Variants in BTG4 observed in about 807,000 individuals in gnomAD.
The protein encoded by BTG4 is BTG anti-proliferation factor 4.
BTG4 carries 10 observed loss-of-function variants against 19.3 expected under a neutral mutation model. That is an observed-to-expected ratio of 0.52 (90% CI 0.32 to 0.88). The LOEUF (loss-of-function observed/expected upper bound fraction) is 0.88. Among genes scored for constraint, BTG4 ranks in the 40% least tolerant of loss-of-function variants. The pLI, the probability that BTG4 is intolerant of heterozygous loss-of-function variation, is 0.04. For missense variants in BTG4, 238 were observed against 281.9 expected (o/e 0.84, Z 1.11); for synonymous variants, 91 against 95.7 (o/e 0.95, Z 0.29).
chr11:111,478,855 G>C (rs1864558340), intron 5 of BTG4, among the ~76,000 whole-genome samples: 1 of 151,888 alleles, frequency 6.6e-6, no homozygotes, highest in African/African-American at 2.4e-5. Flanking sequence ...TGAATGCATA[G>C]AGCACCAGGG....
At chr11:111,393,936 A>G in the BTG4 span, among the ~76,000 whole-genome samples, 1 of 152,204 alleles carries the variant, frequency 6.6e-6, no homozygotes, top group Non-Finnish European at 1.5e-5. Context: ...TCTCAGGTCT[A>G]CCTCTTAAAA....
intron 5 of BTG4, among the ~76,000 whole-genome samples, chr11:111,485,773 A>T (rs1037549045): frequency 6.6e-6 from 1 of 152,172 alleles, no homozygotes; most frequent in African/African-American, 2.4e-5. Context: ...TTGAGACTTT[A>T]AAAAAATACA....
chr11:111,481,478 A>G (rs952540427), intron 5 of BTG4, among the ~76,000 whole-genome samples: 1 of 151,846 alleles, frequency 6.6e-6, no homozygotes, highest in Non-Finnish European at 1.5e-5. Flanking sequence ...ATTGTACTAT[A>G]TATTTATAGT....
At chr11:111,498,449 G>A (rs1190541524) in intron 2 of BTG4, among the ~76,000 whole-genome samples, 155 bp downstream of exon 2, 1 of 152,134 alleles carries the variant, frequency 6.6e-6, no homozygotes, top group Non-Finnish European at 1.5e-5. Context: ...CATCTACTAT[G>A]TCTCCTCCTT....
chr11:111,440,600 G>T, the BTG4 span, among the ~76,000 whole-genome samples: 1 of 152,156 alleles, frequency 6.6e-6, no homozygotes, highest in African/African-American at 2.4e-5. Context: ...TACCTACCTT[G>T]GCTGTTGGCA....
intron 1 of BTG4, among the ~76,000 whole-genome samples, chr11:111,509,401 A>G (rs1193683417): frequency 2.0e-5 from 3 of 152,156 alleles, no homozygotes; most frequent in Non-Finnish European, 2.9e-5. Context: ...TTAAAAAAAC[A>G]GGTTTAGGCC....
the BTG4 span, among the ~76,000 whole-genome samples, chr11:111,406,095 A>G: frequency 3.9e-5 from 6 of 152,174 alleles, no homozygotes; most frequent in Non-Finnish European, 2.9e-5. Context: ...AGAAGATGCA[A>G]TTTAAGATTA....
chr11:111,430,078 G>A, the BTG4 span, among the ~76,000 whole-genome samples: 1 of 152,206 alleles, frequency 6.6e-6, no homozygotes, highest in African/African-American at 2.4e-5. Flanking sequence ...GTCATGTGTT[G>A]TTAACCCAAA....
chr11:111,405,225 G>A, the BTG4 span, among the ~76,000 whole-genome samples: 24 of 152,000 alleles, frequency 1.6e-4, no homozygotes, highest in African/African-American at 4.3e-4. Flanking sequence ...CCAACATAGC[G>A]AAACCCCATC....
the BTG4 span, among the ~76,000 whole-genome samples, chr11:111,390,303 C>T: frequency 1.3e-5 from 2 of 152,094 alleles, no homozygotes; most frequent in African/African-American, 4.8e-5. Context: ...CTGTATTTGG[C>T]ATTAAGGATG....
rs567920376 is a variant in BTG4 at position 111,495,139 on chromosome 11, C to T, written c.686G>A (p.Arg229Gln). The T allele has an allele frequency of 3.3e-6, 5 of 1,535,090 alleles. No homozygotes were observed. The highest frequency in any genetic ancestry group is 1.3e-5 in the South Asian group (1 of 78,384). Residue 229 changes from arginine (R) to glutamine (Q), a missense_variant, in exon 5 of 5, where the codon CGA (arginine) becomes CAA (glutamine). Arg to Gln is a conservative substitution (Grantham distance 43). Coordinates refer to ENST00000692032, the MANE Select transcript of BTG4 (RefSeq NM_001367975.1). The stretch of plus-strand genomic sequence containing the variant: ...ACCACGTGCCCAGTCGCTGCGTCAT[C>T]GGTGTGTGTTGACCCAGTGGTACCT... Reference protein sequence around the residue: ...LDRYHWVNTHR With the variant: ...LDRYHWVNTHQ
At chr11:111,401,837 T>G in the BTG4 span, among the ~76,000 whole-genome samples, 12 of 152,146 alleles carry the variant, frequency 7.9e-5, no homozygotes, top group Non-Finnish European at 1.8e-4. Context: ...TAACTCAGAG[T>G]AGGCTCTCAG....
chr11:111,467,792 T>C, intron 5 of BTG4: 1 of 632,042 alleles, frequency 1.6e-6, no homozygotes, highest in Non-Finnish European at 2.8e-6. Flanking sequence ...AGCTAAGGCA[T>C]AATAAATGTC....
downstream of BTG4, among the ~76,000 whole-genome samples, chr11:111,491,983 C>A (rs1369794211): frequency 6.6e-6 from 1 of 152,120 alleles, no homozygotes; most frequent in Non-Finnish European, 1.5e-5. Context: ...CTGAGAGGCT[C>A]TAAAGGATTA....
At chr11:111,456,502 T>G in the BTG4 span, 1 of 456,450 alleles carries the variant, frequency 2.2e-6, no homozygotes, top group South Asian at 1.5e-5. This position sits in a 1 kb window ranked among gnomAD's most constrained non-coding sequence, Gnocchi z 4.2. Context: ...AGGCAATGAT[T>G]GCTTTCCTGC....
the BTG4 span, among the ~76,000 whole-genome samples, chr11:111,424,612 A>G: frequency 7.0e-4 from 107 of 152,346 alleles, 3 homozygotes; most frequent in East Asian, 0.016. Flanking sequence ...TTATTAATAA[A>G]CCAAGCCTGC....
In BTG4 at chr11:111,495,092, G is replaced by A; in HGVS notation, c.*43C>T. On this transcript the variant is annotated 3_prime_UTR_variant, in exon 5 of 5. Coordinates refer to ENST00000692032, the MANE Select transcript of BTG4 (RefSeq NM_001367975.1). ...CATTTTTATTTTAGAGAGAATAAAG[G>A]CACTCCTCTGAGCTCTTGCCCACCA... 2 of 1,468,230 alleles carry A rather than the reference G, an allele frequency of 1.4e-6. No individual in the cohort carries two copies. Among genetic ancestry groups the A allele is most frequent in the South Asian group, 1.6e-5 (1 of 62,198 alleles). 91.0% of individuals were successfully genotyped at this position (1,468,230 alleles called of 1,614,324 possible). A position where few individuals can be genotyped will look rare whatever the true frequency, so the allele number is the denominator to read the frequency against.
the BTG4 span, among the ~76,000 whole-genome samples, chr11:111,405,403 T>TTAAAAAAA: frequency 1.2e-4 from 1 of 8,656 alleles, no homozygotes; most frequent in Non-Finnish European, 1.8e-4. Flanking sequence ...AGACTCCGTC[T>TTAAAAAAA]CAAAAAAAAA....
At chr11:111,454,212 C>A in the BTG4 span, 16 of 440,662 alleles carry the variant, frequency 3.6e-5, no homozygotes, top group Non-Finnish European at 6.3e-5. Flanking sequence ...GGAGGATAAT[C>A]CTTCTTCCCT....
Sources: gnomAD v4.1 joint callset for allele counts (sites outside exome capture counted in the v4.1 genomes callset) on GRCh38, gnomAD v4.1.1 for gene constraint, Gnocchi (gnomAD v3.1) non-coding constraint, MANE v1.5 for transcripts, NCBI Gene and HGNC (gene_info 2026-07-23, HGNC 2026-07-21) for gene names.